The following TMEM178B variants were observed in gnomAD, a reference collection of about 807,000 sequenced individuals.
The protein encoded by TMEM178B is transmembrane protein 178B.
TMEM178B carries 5 observed loss-of-function variants against 31.0 expected under a neutral mutation model. The observed-to-expected ratio is 0.16, with a 90% confidence interval of 0.08 to 0.34. TMEM178B has a LOEUF of 0.34. Among genes scored for constraint, TMEM178B ranks in the 10% least tolerant of loss-of-function variants. TMEM178B has a pLI of 1.00. For synonymous variants in TMEM178B, 164 were observed against 164.0 expected (o/e 1.00, Z 0.00); for missense variants, 275 against 400.3 (o/e 0.69, Z 2.67).
At chr7:141,203,282 A>G (rs1281115717) in intron 1 of TMEM178B, among the ~76,000 whole-genome samples, 1 of 151,978 alleles carries the variant, frequency 6.6e-6, no homozygotes, top group Non-Finnish European at 1.5e-5. Context: ...TCTTCCATAT[A>G]TTAAGTGCAG....
intron 1 of TMEM178B, among the ~76,000 whole-genome samples, chr7:141,166,371 T>C (rs1415436245): frequency 6.6e-6 from 1 of 152,200 alleles, no homozygotes; most frequent in Non-Finnish European, 1.5e-5. Context: ...GGAATCCCAA[T>C]GGAGGAATCC....
At chr7:141,078,091 G>T (rs1011515880) in intron 1 of TMEM178B, among the ~76,000 whole-genome samples, 2 of 152,178 alleles carry the variant, frequency 1.3e-5, no homozygotes, top group Middle Eastern at 6.8e-3. Flanking sequence ...CTTAAATCAG[G>T]TCCTTTTGTC....
Position 141,437,702 on chromosome 7 carries a change from A to C in TMEM178B, c.591A>C (p.Arg197=), listed in dbSNP as rs1801572951. 6.5e-7 allele frequency: 1 copy of C among 1,536,044 alleles called. No homozygotes were observed. The highest frequency in any genetic ancestry group is 1.2e-5 in the South Asian group (1 of 84,054). The change falls in exon 3 of 4, where the codon CGA becomes CGC. Residue 197 remains arginine, a synonymous_variant. Transcript: ENST00000565468. ...GCGTGCTGGGCTGCTGCTGGGACCG[A>C]GGCCTTATGCAGTACGTGGCAGGGC... The part of the protein sequence containing the change: ...IIGVLGCCWD[R]GLMQYVAGLL...
At chr7:141,177,694 T>C (rs1473367268) in intron 1 of TMEM178B, among the ~76,000 whole-genome samples, 2 of 152,224 alleles carry the variant, frequency 1.3e-5, no homozygotes, top group Non-Finnish European at 2.9e-5. Context: ...TTTACCATTA[T>C]GTAATGCCCT....
the TMEM178B span, among the ~76,000 whole-genome samples, chr7:141,485,384 G>A: frequency 1.3e-3 from 203 of 152,258 alleles, 4 homozygotes; most frequent in East Asian, 0.033. Flanking sequence ...TTGTAACTTT[G>A]GGCAAGATAT....
chr7:141,095,185 A>G (rs1175796603), intron 1 of TMEM178B, among the ~76,000 whole-genome samples: 2 of 152,200 alleles, frequency 1.3e-5, no homozygotes, highest in African/African-American at 4.8e-5. Flanking sequence ...TTCTAAGAAA[A>G]GCTGTGTATG....
chr7:141,134,485 C>T lies in TMEM178B; in HGVS notation c.382+59793C>T, dbSNP rs190286765. Among the ~76,000 whole-genome samples the T allele has an allele frequency of 1.2e-3, 180 of 152,100 alleles. 2 individuals are homozygous for T. The highest frequency in any genetic ancestry group is 3.9e-3 in the African/African-American group (162 of 41,506). On this transcript the variant is annotated intron_variant, in intron 1 of 3. Coordinates refer to ENST00000565468, the MANE Select transcript of TMEM178B (RefSeq NM_001195278.2). ...CTGGAAATGAAAGAACAATATCTACCATCATGAAAACACACAAAAGTATGA... is the reference window on the plus strand; with the variant it reads ...CTGGAAATGAAAGAACAATATCTACTATCATGAAAACACACAAAAGTATGA...
At chr7:141,504,981 A>G in the TMEM178B span, among the ~76,000 whole-genome samples, 1 of 152,242 alleles carries the variant, frequency 6.6e-6, no homozygotes, top group African/African-American at 2.4e-5. Flanking sequence ...GCATATGTGA[A>G]TCTCTGGACT....
At chr7:141,434,379 T>G (rs1563181588) in intron 2 of TMEM178B, among the ~76,000 whole-genome samples, 1 of 152,208 alleles carries the variant, frequency 6.6e-6, no homozygotes, top group East Asian at 1.9e-4. Context: ...AAAGTTGTCC[T>G]GTCTAGTGCT....
At chr7:141,329,161 C>G (rs1431508331) in intron 2 of TMEM178B, among the ~76,000 whole-genome samples, 3 of 152,266 alleles carry the variant, frequency 2.0e-5, no homozygotes, top group African/African-American at 7.2e-5. Flanking sequence ...TTACTTCCCT[C>G]CAGCGTCCAA....
At chr7:141,180,662 T>C (rs1796512903) in intron 1 of TMEM178B, among the ~76,000 whole-genome samples, 1 of 152,134 alleles carries the variant, frequency 6.6e-6, no homozygotes, top group South Asian at 2.1e-4. Context: ...AATATCCAAA[T>C]TAATACAATG....
intron 3 of TMEM178B, among the ~76,000 whole-genome samples, chr7:141,465,193 TC>T (rs1294313570): frequency 6.6e-6 from 1 of 152,184 alleles, no homozygotes; most frequent in Non-Finnish European, 1.5e-5. Context: ...CGGACTCTTT[TC>T]TGAGTAGAAG....
At chr7:141,448,702 C>CCCT (rs1801806476) in intron 3 of TMEM178B, among the ~76,000 whole-genome samples, 2 of 152,102 alleles carry the variant, frequency 1.3e-5, no homozygotes, top group Admixed American at 6.5e-5. Context: ...CAGCCCAGTG[C>CCCT]CCTCCCACCT....
chr7:141,211,043 T>C (rs1215738080), intron 1 of TMEM178B, among the ~76,000 whole-genome samples: 1 of 151,504 alleles, frequency 6.6e-6, no homozygotes, highest in African/African-American at 2.4e-5. Flanking sequence ...GCGTGTGGGG[T>C]TGGAGGTGTG....
At chr7:141,345,575 G>A (rs561876406) in intron 2 of TMEM178B, among the ~76,000 whole-genome samples, 1 of 152,276 alleles carries the variant, frequency 6.6e-6, no homozygotes, top group South Asian at 2.1e-4. Flanking sequence ...TCCTTGTTAT[G>A]TTCAAGTATT....
At chr7:141,256,072 A>ATCCATCCC (rs1362456393) in intron 2 of TMEM178B, among the ~76,000 whole-genome samples, 4 of 151,776 alleles carry the variant, frequency 2.6e-5, no homozygotes, top group Middle Eastern at 3.4e-3. Context: ...CCATCCCTCC[A>ATCCATCCC]TCCATCCCTC....
chr7:141,228,921 G>A (rs1797389538), intron 2 of TMEM178B, among the ~76,000 whole-genome samples: 1 of 151,326 alleles, frequency 6.6e-6, no homozygotes, highest in African/African-American at 2.4e-5. Flanking sequence ...ACCCCTTTTA[G>A]AAGCTTTCCA....
chr7:141,226,492 G>A (rs1183390656), intron 2 of TMEM178B, among the ~76,000 whole-genome samples: 2 of 152,108 alleles, frequency 1.3e-5, no homozygotes, highest in Non-Finnish European at 2.9e-5. Flanking sequence ...GGGACTTCTG[G>A]TTTCATAGGT....
At chr7:141,336,216 A>C (rs1215385451) in intron 2 of TMEM178B, among the ~76,000 whole-genome samples, 1 of 151,544 alleles carries the variant, frequency 6.6e-6, no homozygotes, top group African/African-American at 2.4e-5. Context: ...CACCCTGGCC[A>C]CTCTGTACTT....
Sources: allele counts gnomAD v4.1 joint callset (sites outside exome capture counted in the v4.1 genomes callset), GRCh38; gene constraint gnomAD v4.1.1; transcripts MANE v1.5; gene names NCBI Gene and HGNC (gene_info 2026-07-23, HGNC 2026-07-21).